The following GRM3 variants were observed in gnomAD, a reference collection of about 807,000 sequenced individuals.
GRM3 encodes the protein metabotropic glutamate receptor 3.
A neutral mutation model predicts 70.5 loss-of-function variants in GRM3; 26 were observed. The observed-to-expected ratio is 0.37, with a 90% CI of 0.27 to 0.51. GRM3 has a LOEUF of 0.51. GRM3 is among the 20% of genes least tolerant of loss of function. The pLI is 0.93. For missense variants in GRM3, 859 were observed against 1,123.8 expected (o/e 0.76, Z 3.37); for synonymous variants, 443 against 434.9 (o/e 1.02, Z -0.23).
At chr7:86,801,221 C>A (rs1797675627) in intron 3 of GRM3, among the ~76,000 whole-genome samples, 1 of 151,996 alleles carries the variant, frequency 6.6e-6, no homozygotes, top group South Asian at 2.1e-4. Context: ...CAGGTGCATG[C>A]CGCCATGCCC....
At chr7:86,781,154 A>G (rs560611187) in intron 2 of GRM3, among the ~76,000 whole-genome samples, 1 of 152,260 alleles carries the variant, frequency 6.6e-6, no homozygotes, top group South Asian at 2.1e-4. Flanking sequence ...AAATGAGAAA[A>G]CACATCTGCA....
rs772727267 is a variant in GRM3, at chr7:86,643,985, C to A, written c.-1028C>A. 4 of 152,890 alleles carry A rather than the reference C, an allele frequency of 2.6e-5. No homozygotes were observed. Among genetic ancestry groups the A allele is most frequent in the Non-Finnish European group, 2.9e-5 (2 of 68,686 alleles). The allele number at this position is 152,890 out of a possible 1,614,324, so 9.5% of individuals were successfully genotyped here. A position where few individuals can be genotyped will look rare whatever the true frequency, so the allele number is the denominator to read the frequency against. ...GGCTCTCACACTCCCTCTCTGCTCCCGCTCTCCTAATCTCCTCTGGCATGC... is the reference window on the plus strand; with the variant it reads ...GGCTCTCACACTCCCTCTCTGCTCCAGCTCTCCTAATCTCCTCTGGCATGC... On this transcript the variant is annotated 5_prime_UTR_variant, in exon 1 of 6. Transcript: ENST00000361669.
At chr7:86,861,666 G>A (rs2115619261) in intron 5 of GRM3, among the ~76,000 whole-genome samples, 1 of 152,232 alleles carries the variant, frequency 6.6e-6, no homozygotes, top group South Asian at 2.1e-4. Context: ...AAACAGATTT[G>A]CTGTATTTGA....
chr7:86,775,093 G>A (rs930933974), intron 2 of GRM3: 1 of 151,974 alleles, frequency 6.6e-6, no homozygotes, highest in African/African-American at 2.4e-5. Flanking sequence ...AATTTCAACT[G>A]TTAACAATGT....
chr7:86,752,992 C>G (rs1188128884), intron 1 of GRM3, among the ~76,000 whole-genome samples: 2 of 151,996 alleles, frequency 1.3e-5, no homozygotes, highest in African/African-American at 4.8e-5. Context: ...TCCATCTTCT[C>G]CTGGCATATT....
intron 4 of GRM3, among the ~76,000 whole-genome samples, chr7:86,848,116 G>T (rs566577992): frequency 1.5e-4 from 23 of 152,276 alleles, no homozygotes; most frequent in Non-Finnish European, 2.1e-4. Flanking sequence ...GACCTTGGTA[G>T]GCCCATGAAT....
intron 3 of GRM3, among the ~76,000 whole-genome samples, chr7:86,825,775 A>C (rs1239438149): frequency 6.6e-6 from 1 of 152,234 alleles, no homozygotes; most frequent in African/African-American, 2.4e-5. Flanking sequence ...CGTTTTATTA[A>C]GTATCCTTGA....
intron 1 of GRM3, among the ~76,000 whole-genome samples, chr7:86,680,154 A>C (rs1219324504): frequency 1.3e-5 from 2 of 152,160 alleles, no homozygotes; most frequent in African/African-American, 4.8e-5. Context: ...ATGAGGTTCT[A>C]GAAATGAGCA....
chr7:86,734,824 C>T (rs1232224766), intron 1 of GRM3, among the ~76,000 whole-genome samples: 1 of 152,156 alleles, frequency 6.6e-6, no homozygotes, highest in Non-Finnish European at 1.5e-5. Context: ...TATATTCCCC[C>T]TTCATCACAT....
chr7:86,678,388 A>C lies in GRM3; in HGVS notation c.-141+33516A>C, dbSNP rs142769413. Among the ~76,000 whole-genome samples, 485 of 152,178 alleles carry C rather than the reference A, an allele frequency of 3.2e-3. 5 individuals are homozygous for C. Among genetic ancestry groups the C allele is most frequent in the African/African-American group, 0.011 (472 of 41,528 alleles). On this transcript the variant is annotated intron_variant, in intron 1 of 5. Transcript: ENST00000361669. ...AAAGTTATATTTAAAACAAGAAGAA[A>C]AGAATAGGCTAACCCCCATTCCTGC...
intron 3 of GRM3, among the ~76,000 whole-genome samples, chr7:86,805,240 A>G (rs895021381): frequency 6.6e-6 from 1 of 152,214 alleles, no homozygotes; most frequent in Non-Finnish European, 1.5e-5. Context: ...GTTGTTCAAT[A>G]TATATTATAG....
chr7:86,819,635 G>C (rs1295487633), intron 3 of GRM3, among the ~76,000 whole-genome samples: 1 of 152,146 alleles, frequency 6.6e-6, no homozygotes, highest in Non-Finnish European at 1.5e-5. Context: ...AGCAACCAAA[G>C]AATGGACTCG....
chr7:86,659,854 C>T (rs939806666), intron 1 of GRM3, among the ~76,000 whole-genome samples: 1 of 151,810 alleles, frequency 6.6e-6, no homozygotes, highest in Admixed American at 6.6e-5. Context: ...TTGTCCAGTG[C>T]TTGAAGATAT....
intron 3 of GRM3, among the ~76,000 whole-genome samples, chr7:86,810,290 T>C (rs1339048849): frequency 6.6e-6 from 1 of 151,988 alleles, no homozygotes; most frequent in Non-Finnish European, 1.5e-5. Context: ...CATTATACAG[T>C]TGTGGTCATC....
intron 3 of GRM3, among the ~76,000 whole-genome samples, chr7:86,828,670 G>A (rs959817439): frequency 2.6e-5 from 4 of 152,130 alleles, no homozygotes; most frequent in African/African-American, 7.2e-5. Context: ...GCTGATTGAC[G>A]GTCTTGCCTC....
chr7:86,762,203 C>G (rs1165748330), intron 1 of GRM3, among the ~76,000 whole-genome samples: 11 of 152,072 alleles, frequency 7.2e-5, no homozygotes. Context: ...CAAAAAAATT[C>G]TACTACAGTA....
At chr7:86,817,037 T>G (rs1040316444) in intron 3 of GRM3, among the ~76,000 whole-genome samples, 3 of 151,754 alleles carry the variant, frequency 2.0e-5, no homozygotes, top group Admixed American at 6.6e-5. Flanking sequence ...AAAAAACAGT[T>G]GGTATGGTAA....
intron 1 of GRM3, among the ~76,000 whole-genome samples, chr7:86,661,626 C>A (rs1320983157): frequency 6.6e-6 from 1 of 151,838 alleles, no homozygotes. Context: ...ATTAAAGAAG[C>A]AAAGCATTCT....
intron 1 of GRM3, among the ~76,000 whole-genome samples, chr7:86,660,095 A>G (rs1793854980): frequency 2.0e-5 from 3 of 152,064 alleles, no homozygotes; most frequent in Admixed American, 2.0e-4. Flanking sequence ...GAATTGATTT[A>G]TTAAGCTATG....
Sources: allele counts gnomAD v4.1 joint callset (sites outside exome capture counted in the v4.1 genomes callset), GRCh38; gene constraint gnomAD v4.1.1; transcripts MANE v1.5; gene names NCBI Gene and HGNC (gene_info 2026-07-23, HGNC 2026-07-21).